The following MED13 variants were observed in gnomAD, a reference collection of about 807,000 sequenced individuals.
MED13 encodes the protein mediator complex subunit 13.
MED13 carries 23 observed loss-of-function variants against 225.2 expected under a neutral mutation model. The ratio of observed to expected loss-of-function variants is 0.10; its 90% CI spans 0.07 to 0.14. The LOEUF is 0.14. MED13 is among the 10% of genes least tolerant of loss of function. The pLI, the probability that MED13 is intolerant of heterozygous loss-of-function variation, is 1.00. For missense variants in MED13, 2,197 were observed against 2,594.5 expected (o/e 0.85, Z 3.33); for synonymous variants, 942 against 889.2 (o/e 1.06, Z -1.06).
intron 3 of MED13, among the ~76,000 whole-genome samples, chr17:62,048,043 C>CATAT (rs397803988): frequency 0.017 from 2,270 of 131,062 alleles, 30 homozygotes; most frequent in African/African-American, 0.039. Context: ...TATACATATA[C>CATAT]ATATATATAT....
intron 8 of MED13, among the ~76,000 whole-genome samples, chr17:62,024,098 A>G (rs939285068): frequency 6.6e-5 from 10 of 152,116 alleles, no homozygotes; most frequent in African/African-American, 2.4e-4. Context: ...GCTCACTGCA[A>G]CCTCTGCCTT....
In MED13 at chr17:62,023,589, T is replaced by C. The variant is rs984758608; in HGVS notation, c.1283+5952A>G. On this transcript the variant is annotated intron_variant, in intron 8 of 29. Transcript: ENST00000397786. ...TCTTCCCTCCTCTCACCCTCCAATC[T>C]TCTGTTAGTGCCTCCTATTAGCCAA... Among the ~76,000 whole-genome samples the C allele has an allele frequency of 2.6e-5, 4 of 152,320 alleles. No homozygotes were observed. In the South Asian group the frequency reaches 8.3e-4, roughly 32 times the overall value.
intron 17 of MED13, among the ~76,000 whole-genome samples, chr17:61,969,024 T>A (rs2080083575): frequency 6.6e-6 from 1 of 152,116 alleles, no homozygotes; most frequent in African/African-American, 2.4e-5. Context: ...AGTGCTGGGA[T>A]TACGTGCAGG....
Position 62,011,024 on chromosome 17 carries a change from A to C in MED13, c.1493T>G (p.Val498Gly). 4 of 1,614,212 alleles carry C rather than the reference A, an allele frequency of 2.5e-6. No homozygotes were observed. The highest frequency in any genetic ancestry group is 2.2e-5 in the South Asian group (2 of 91,080). Residue 498 changes from valine to glycine, a missense_variant, in exon 9 of 30, where the codon GTG (valine) becomes GGG (glycine). By Grantham distance (109) the Val-to-Gly change is moderately radical (BLOSUM62 -3). Transcript: ENST00000397786. ...MDADSASQRL[V>G]ISAPDSQVRF... Reference sequence around the variant, plus strand: ...CACTTGACTGTCTGGAGCAGAGATCACAAGTCTTTGGCTGGCTGAATCTGC... The same window carrying C: ...CACTTGACTGTCTGGAGCAGAGATCCCAAGTCTTTGGCTGGCTGAATCTGC...
At chr17:61,995,087 A>G (rs753388159) in intron 10 of MED13, 65 bp downstream of exon 10, 1 of 1,016,008 alleles carries the variant, frequency 9.8e-7, no homozygotes, top group Non-Finnish European at 1.5e-6. Flanking sequence ...TGGTAGTAAG[A>G]GTGTTACTAT....
intron 16 of MED13, among the ~76,000 whole-genome samples, chr17:61,981,014 G>A (rs754380848): frequency 6.9e-6 from 1 of 145,354 alleles, no homozygotes; most frequent in African/African-American, 2.7e-5. Context: ...ATGAGCCACC[G>A]CACCCAGCCA....
intron 8 of MED13, among the ~76,000 whole-genome samples, chr17:62,022,996 C>A (rs1019468973): frequency 6.6e-5 from 10 of 151,700 alleles, no homozygotes; most frequent in Non-Finnish European, 1.3e-4. Flanking sequence ...GGCGACACAG[C>A]TAGTCTCTAA....
intron 8 of MED13, among the ~76,000 whole-genome samples, chr17:62,011,942 C>T (rs1177749690): frequency 6.6e-6 from 1 of 152,132 alleles, no homozygotes; most frequent in Non-Finnish European, 1.5e-5. Flanking sequence ...CTAGGCTGGG[C>T]ATGGTGGCTG....
intron 8 of MED13, among the ~76,000 whole-genome samples, chr17:62,028,976 C>G (rs999623578): frequency 2.6e-5 from 4 of 152,002 alleles, no homozygotes; most frequent in Non-Finnish European, 4.4e-5. Context: ...GACAACATAC[C>G]AAGATCCCCT....
intron 8 of MED13, among the ~76,000 whole-genome samples, chr17:62,021,206 C>T (rs2080640176): frequency 2.0e-5 from 3 of 151,194 alleles, no homozygotes; most frequent in Non-Finnish European, 3.0e-5. Flanking sequence ...CTGTTGGGTA[C>T]ACCTCCCAGA....
chr17:62,029,474 G>A lies in MED13; in HGVS notation c.1283+67C>T, dbSNP rs78545573. 88 of 1,189,300 alleles carry A rather than the reference G, an allele frequency of 7.4e-5. No individual in the cohort carries two copies. In the East Asian group the frequency reaches 2.0e-3, roughly 27 times the overall value. The allele number at this position is 1,189,300 out of a possible 1,614,324, so 73.7% of individuals were successfully genotyped here. A position where few individuals can be genotyped will look rare whatever the true frequency, so the allele number is the denominator to read the frequency against. ...CATGTAAGCTGTTTCAAATAAAGTG[G>A]GCATAAGCATTCAGTGGCGTAACAA... On this transcript the variant is annotated intron_variant, in intron 8 of 29. Transcript: ENST00000397786.
chr17:61,948,846 G>C (rs1395289098), intron 28 of MED13, among the ~76,000 whole-genome samples: 2 of 151,462 alleles, frequency 1.3e-5, no homozygotes, highest in East Asian at 4.0e-4. Context: ...CAGCACTTTG[G>C]GAGGCCGAGG....
chr17:61,961,850 A>C, intron 21 of MED13, 71 bp from the exon 22 acceptor site: 2 of 1,387,292 alleles, frequency 1.4e-6, no homozygotes, highest in African/African-American at 2.9e-5. Flanking sequence ...TGGGTCTAAA[A>C]CTCTAAAAAC....
In MED13 at chr17:61,955,214, C is replaced by T. The variant is rs187638358; in HGVS notation, c.5968+168G>A. On this transcript the variant is annotated intron_variant, in intron 26 of 29. Coordinates refer to ENST00000397786, the MANE Select transcript of MED13 (RefSeq NM_005121.3). ...GAACACATGTTATCGCATTAAGGGC[C>T]CACCTGCGTAATTGAGGATAATCTC... is the stretch of plus-strand genomic sequence containing the variant. 1,048 of 502,086 alleles carry T rather than the reference C, an allele frequency of 2.1e-3. 2 individuals carry two copies. The highest frequency in any genetic ancestry group is 3.1e-3 in the South Asian group (75 of 24,112). The allele number at this position is 502,086 out of a possible 1,614,324, so 31.1% of individuals were successfully genotyped here. A position where few individuals can be genotyped will look rare whatever the true frequency, so the allele number is the denominator to read the frequency against.
intron 11 of MED13, among the ~76,000 whole-genome samples, chr17:61,989,922 T>C (rs2080280677): frequency 6.6e-6 from 1 of 152,248 alleles, no homozygotes; most frequent in South Asian, 2.1e-4. Flanking sequence ...GGAATTTTGA[T>C]AGGGATTGCT....
In MED13 at chr17:61,993,202, T is replaced by C. The variant is rs1178691741; in HGVS notation, c.2182-581A>G. Among the ~76,000 whole-genome samples, 187 of 138,970 alleles carry C rather than the reference T, an allele frequency of 1.3e-3. 2 individuals carry two copies. The highest frequency in any genetic ancestry group is 5.0e-3 in the African/African-American group (180 of 36,212). The allele number at this position is 138,970 out of a possible 152,430, so 91.2% of individuals were successfully genotyped here. ...CCATGTTCTTTCTTTCTTTCTTTCT[T>C]TTTTTTTTTTTTTTTTTGAGACAGA... On this transcript the variant is annotated intron_variant, in intron 10 of 29. Coordinates refer to ENST00000397786, the MANE Select transcript of MED13 (RefSeq NM_005121.3).
At chr17:62,000,037 C>G (rs1380491224) in intron 9 of MED13, among the ~76,000 whole-genome samples, 3 of 152,116 alleles carry the variant, frequency 2.0e-5, no homozygotes, top group Admixed American at 6.6e-5. Flanking sequence ...GCCACTGCAC[C>G]ATAGCCTGGG....
chr17:61,985,810 C>A (rs1474751610), intron 12 of MED13, among the ~76,000 whole-genome samples: 1 of 152,182 alleles, frequency 6.6e-6, no homozygotes, highest in Non-Finnish European at 1.5e-5. Flanking sequence ...TATAATCAAT[C>A]ACTCACCTAT....
rs777661238 is a variant in MED13 at position 62,029,906 on chromosome 17, T to C, written c.1117A>G (p.Asn373Asp). ...TGCCAAACTCTATCCACCACATGATTTGCTAATTTTCTGGGTATTTTCCCA... is the reference window on the plus strand; with the variant it reads ...TGCCAAACTCTATCCACCACATGATCTGCTAATTTTCTGGGTATTTTCCCA... ...HGGKIPRKLA[N>D]HVVDRVWQEC... Residue 373 changes from asparagine (N) to aspartate (D), a missense_variant, in exon 7 of 30, where the codon AAT becomes GAT. By Grantham distance (23) the Asn-to-Asp change is conservative. Coordinates refer to ENST00000397786, the MANE Select transcript of MED13 (RefSeq NM_005121.3). The C allele has an allele frequency of 1.7e-5, 27 of 1,613,938 alleles. No homozygotes were observed. Among genetic ancestry groups the C allele is most frequent in the East Asian group, 2.2e-5 (1 of 44,876 alleles).
Sources: gnomAD v4.1 joint callset for allele counts (sites outside exome capture counted in the v4.1 genomes callset) on GRCh38, gnomAD v4.1.1 for gene constraint, MANE v1.5 for transcripts, NCBI Gene and HGNC (gene_info 2026-07-23, HGNC 2026-07-21) for gene names.